The following ZNF200 variants were observed in gnomAD, a reference collection of about 807,000 sequenced individuals.
ZNF200 encodes the protein zinc finger protein 200.
In ZNF200, 35 loss-of-function variants were observed where a neutral mutation model predicts 33.6. The observed-to-expected ratio is 1.04, with a 90% CI of 0.80 to 1.38. ZNF200 has a LOEUF of 1.38. Among genes scored for constraint, ZNF200 ranks in the 40% most tolerant of loss-of-function variants. ZNF200 has a pLI of 0.00. For missense variants in ZNF200, 592 were observed against 470.6 expected (o/e 1.26, Z -2.39); for synonymous variants, 209 against 167.7 (o/e 1.25, Z -1.90).
At chr16:3,232,969 C>A (rs150876916) in intron 2 of ZNF200, 48 bp from the exon 3 acceptor site, 5 of 1,544,820 alleles carry the variant, frequency 3.2e-6, no homozygotes, top group Non-Finnish European at 3.6e-6. Flanking sequence ...GTGACTCTAA[C>A]ACAGAGACTC....
intron 4 of ZNF200, chr16:3,227,139 C>A (rs1466953838): frequency 1.3e-5 from 2 of 152,152 alleles, no homozygotes; most frequent in Non-Finnish European, 2.9e-5. Flanking sequence ...TGGGGTTTTG[C>A]CATGTTGGCC....
At chr16:3,224,740 C>T (rs180846530) in intron 4 of ZNF200, 127 bp from the exon 5 acceptor site, 14 of 1,220,320 alleles carry the variant, frequency 1.1e-5, no homozygotes, top group East Asian at 4.9e-5. Context: ...ATACTGCCGT[C>T]GCACTCCTTT....
In ZNF200 at chr16:3,233,679, T is replaced by C. The variant is rs903180421; in HGVS notation, c.77A>G (p.Lys26Arg). Residue 26 changes from lysine (K) to arginine (R), a missense_variant, in exon 2 of 5, where the codon AAG (lysine) becomes AGG (arginine). Transcript: ENST00000414144. ...SFILRVPPDS[K>R]LGQDLLRDAT... Reference sequence around the variant, plus strand: ...ATCTCGAAGTAGGTCTTGGCCCAGCTTGGAGTCTGGCGGAACTCTCAGTAT... The same window carrying C: ...ATCTCGAAGTAGGTCTTGGCCCAGCCTGGAGTCTGGCGGAACTCTCAGTAT... The C allele has an allele frequency of 1.9e-6, 3 of 1,613,740 alleles. No homozygotes were observed. Among genetic ancestry groups the C allele is most frequent in the Non-Finnish European group, 2.5e-6 (3 of 1,179,986 alleles).
At chr16:3,232,722 C>T in intron 3 of ZNF200, 111 bp downstream of exon 3, 1 of 1,434,344 alleles carries the variant, frequency 7.0e-7, no homozygotes, top group Non-Finnish European at 9.5e-7. Flanking sequence ...AAGGAAAAAG[C>T]AGAAGAAAAA....
At position 3,223,151 on chromosome 16, in the gene ZNF200, T is replaced by C. The variant is rs532370870; in HGVS notation, c.*741A>G. ...CCTGCCTGAGTAATCCAAACTTCTT[T>C]TAGCAAGGGAGAAGCATGAGACGGC... On this transcript the variant is annotated 3_prime_UTR_variant, in exon 5 of 5. Coordinates refer to ENST00000414144, the MANE Select transcript of ZNF200 (RefSeq NM_198088.3). 1 of 152,322 alleles carries C rather than the reference T, an allele frequency of 6.6e-6. No individual in the cohort carries two copies. The highest frequency in any genetic ancestry group is 1.9e-4 in the East Asian group (1 of 5,184). The allele number at this position is 152,322 out of a possible 1,614,324, so 9.4% of individuals were successfully genotyped here.
chr16:3,234,799 C>T (rs891975663), intron 1 of ZNF200, 188 bp downstream of exon 1: 1 of 152,324 alleles, frequency 6.6e-6, no homozygotes, highest in African/African-American at 2.4e-5. Context: ...CACTAAGGAC[C>T]GCCGGGCCAG....
At chr16:3,231,281 C>A (rs1197851487) in intron 4 of ZNF200, among the ~76,000 whole-genome samples, 1 of 152,154 alleles carries the variant, frequency 6.6e-6, no homozygotes, top group African/African-American at 2.4e-5. Flanking sequence ...ATCTTTTTAT[C>A]CTTTTCTCTA....
At chr16:3,233,912 G>A (rs754641390) in intron 1 of ZNF200, 76 bp from the exon 2 acceptor site, 3 of 1,216,474 alleles carry the variant, frequency 2.5e-6, no homozygotes, top group East Asian at 2.6e-5. Context: ...GGCATGGCTG[G>A]TGAGGCTACA....
chr16:3,233,393 CTCCTTT>C (rs1475087649), intron 2 of ZNF200, 107 bp downstream of exon 2: 14 of 1,391,832 alleles, frequency 1.0e-5, no homozygotes, highest in Non-Finnish European at 1.2e-5. Flanking sequence ...CTAGAATTGA[CTCCTTT>C]TCCAATATAC....
rs1958394545 is a variant in ZNF200, at chr16:3,223,913, A to G, written c.1167T>C (p.Cys389=). ...CTRHEKTHSA[C]KTRKQK Reference sequence around the variant, plus strand: ...AGTATTACTTCTGCTTTCGGGTCTTACAGGCTGAGTGGGTTTTCTCATGCC... The same window carrying G: ...AGTATTACTTCTGCTTTCGGGTCTTGCAGGCTGAGTGGGTTTTCTCATGCC... The change falls in exon 5 of 5, where the codon TGT becomes TGC. Residue 389 remains cysteine, a synonymous_variant. Coordinates refer to ENST00000414144, the MANE Select transcript of ZNF200 (RefSeq NM_198088.3). 6.2e-7 allele frequency: 1 copy of G among 1,613,122 alleles called. No homozygotes were observed. Among genetic ancestry groups the G allele is most frequent in the Non-Finnish European group, 8.5e-7 (1 of 1,179,572 alleles).
chr16:3,224,083 C>G lies in ZNF200; in HGVS notation c.997G>C (p.Glu333Gln). ...RSRHEGIHIREKIFKCPECGK... is the reference protein window; with the variant it reads ...RSRHEGIHIRQKIFKCPECGK... ...CATTCTGGACACTTAAATATCTTCT[C>G]CCTTATATGGATTCCTTCATGACGA... Residue 333 changes from glutamate (E) to glutamine (Q), a missense_variant, in exon 5 of 5, where the codon GAG (glutamate) becomes CAG (glutamine). Coordinates refer to ENST00000414144, the MANE Select transcript of ZNF200 (RefSeq NM_198088.3). The G allele has an allele frequency of 1.2e-6, 2 of 1,614,142 alleles. No homozygotes were observed. Among genetic ancestry groups the G allele is most frequent in the Non-Finnish European group, 1.7e-6 (2 of 1,180,030 alleles).
chr16:3,232,393 T>A, intron 4 of ZNF200, 28 bp downstream of exon 4: 1 of 1,609,422 alleles, frequency 6.2e-7, no homozygotes, highest in African/African-American at 1.3e-5. Flanking sequence ...GCAAACAACC[T>A]GAACACACAA....
intron 4 of ZNF200, among the ~76,000 whole-genome samples, chr16:3,229,877 A>G (rs1313197463): frequency 1.3e-5 from 2 of 151,414 alleles, no homozygotes; most frequent in Admixed American, 1.3e-4. Context: ...AAAAAAAAAG[A>G]AGGAAACTTC....
chr16:3,228,671 A>AT (rs1034546192), intron 4 of ZNF200, among the ~76,000 whole-genome samples: 16 of 147,508 alleles, frequency 1.1e-4, no homozygotes, highest in Admixed American at 2.0e-4. Context: ...ACTTTTGTAT[A>AT]TTTTTTTTTT....
Position 3,224,958 on chromosome 16 carries a change from A to G in ZNF200, c.467-345T>C, listed in dbSNP as rs559208049. The stretch of plus-strand genomic sequence containing the variant: ...TAAGGACTAGGGATGAAGACTATAC[A>G]TCTATACAGGGAACCACTCATCATC... On this transcript the variant is annotated intron_variant, in intron 4 of 4. Transcript: ENST00000414144. The G allele has an allele frequency of 1.5e-4, 31 of 211,228 alleles. 1 individual carries two copies. The South Asian group carries it at 2.6e-3, about 18-fold the overall frequency. The allele number at this position is 211,228 out of a possible 1,614,324, so 13.1% of individuals were successfully genotyped here.
Position 3,233,495 on chromosome 16 carries a change from G to A in ZNF200, c.250+11C>T, listed in dbSNP as rs764931514. ...CCTCCTCTTCTAGTGAAACAAGCAT[G>A]TGCTTCTCACCTCTGTTCTGAAGGC... On this transcript the variant is annotated intron_variant, in intron 2 of 4. Coordinates refer to ENST00000414144, the MANE Select transcript of ZNF200 (RefSeq NM_198088.3). 5 of 1,511,168 alleles carry A rather than the reference G, an allele frequency of 3.3e-6. No homozygotes were observed. The Admixed American group carries it at 9.1e-5, about 28-fold the overall frequency. 93.6% of individuals were successfully genotyped at this position (1,511,168 alleles called of 1,614,324 possible).
At position 3,233,685 on chromosome 16, in the gene ZNF200, T is replaced by A. The variant is rs369238266; in HGVS notation, c.71A>T (p.Asp24Val). Residue 24 changes from aspartate to valine, a missense_variant, in exon 2 of 5, where the codon GAC becomes GTC. By Grantham distance (152) the Asp-to-Val change is radical (BLOSUM62 -3). Transcript: ENST00000414144. The stretch of plus-strand genomic sequence containing the variant: ...AAGTAGGTCTTGGCCCAGCTTGGAG[T>A]CTGGCGGAACTCTCAGTATAAAGGA... The part of the protein sequence containing the change: ...KQSFILRVPP[D>V]SKLGQDLLRD... The A allele has an allele frequency of 1.1e-5, 17 of 1,613,460 alleles. No individual in the cohort carries two copies. The highest frequency in any genetic ancestry group is 1.4e-5 in the Non-Finnish European group (16 of 1,179,932).
rs1958366258 is a variant in ZNF200 at position 3,222,938 on chromosome 16, G to A, written c.*954C>T. 1 of 152,240 alleles carries A rather than the reference G, an allele frequency of 6.6e-6. No homozygotes were observed. Among genetic ancestry groups the A allele is most frequent in the East Asian group, 1.9e-4 (1 of 5,206 alleles). 9.4% of individuals were successfully genotyped at this position (152,240 alleles called of 1,614,324 possible). ...ACCACCCCATTGCCAAAGGTCTGAT[G>A]ACAGCATAGAGGGGACCTAAGCATA... On this transcript the variant is annotated 3_prime_UTR_variant, in exon 5 of 5. Coordinates refer to ENST00000414144, the MANE Select transcript of ZNF200 (RefSeq NM_198088.3).
chr16:3,223,531 A>G lies in ZNF200; in HGVS notation c.*361T>C, dbSNP rs192381194. ...CAAGTATGAATCCCCATGTGGGGGG[A>G]AAACGGATATACTTTCAATAGACAC... On this transcript the variant is annotated 3_prime_UTR_variant, in exon 5 of 5. Transcript: ENST00000414144. The G allele has an allele frequency of 3.4e-3, 615 of 178,962 alleles. 7 individuals carry two copies. The highest frequency in any genetic ancestry group is 0.022 in the South Asian group (132 of 5,978). The allele number at this position is 178,962 out of a possible 1,614,324, so 11.1% of individuals were successfully genotyped here.
Sources: gnomAD v4.1 joint callset for allele counts (sites outside exome capture counted in the v4.1 genomes callset) on GRCh38, gnomAD v4.1.1 for gene constraint, MANE v1.5 for transcripts, NCBI Gene and HGNC (gene_info 2026-07-23, HGNC 2026-07-21) for gene names.